FAM76B: variants seen among roughly 807,000 people sequenced by gnomAD.
FAM76B encodes protein FAM76B.
A neutral mutation model predicts 51.8 loss-of-function variants in FAM76B; 16 were observed. The ratio of observed to expected loss-of-function variants is 0.31; its 90% CI spans 0.21 to 0.47. FAM76B has a LOEUF of 0.47. FAM76B is among the 20% of genes least tolerant of loss of function. FAM76B has a pLI of 1.00. For missense variants in FAM76B, 342 were observed against 392.6 expected (o/e 0.87, Z 1.09); for synonymous variants, 166 against 129.5 (o/e 1.28, Z -1.91).
chr11:95,775,265 T>A (rs1158414975), intron 9 of FAM76B, among the ~76,000 whole-genome samples: 1 of 151,488 alleles, frequency 6.6e-6, no homozygotes, highest in Non-Finnish European at 1.5e-5. Context: ...GCATTCTGTA[T>A]CCATGTTGGA....
At chr11:95,772,751 A>G (rs954103988) in intron 9 of FAM76B, among the ~76,000 whole-genome samples, 3 of 150,986 alleles carry the variant, frequency 2.0e-5, no homozygotes, top group Admixed American at 2.0e-4. Flanking sequence ...CCTTCTCTGT[A>G]TGCCATCTTA....
At chr11:95,787,812 C>CA in intron 2 of FAM76B, 134 bp from the exon 3 acceptor site, 1 of 693,406 alleles carries the variant, frequency 1.4e-6, no homozygotes, top group Non-Finnish European at 2.4e-6. Flanking sequence ...TTCAAATATA[C>CA]AAGGATATTT....
chr11:95,786,772 T>TA (rs1386797090), intron 3 of FAM76B: 2 of 152,512 alleles, frequency 1.3e-5, no homozygotes, highest in African/African-American at 2.4e-5. Context: ...ATATTCAACA[T>TA]AAACTATAAA....
intron 8 of FAM76B, 71 bp downstream of exon 8, chr11:95,778,751 A>G: frequency 6.8e-7 from 1 of 1,477,902 alleles, no homozygotes; most frequent in Non-Finnish European, 9.0e-7. Flanking sequence ...AGGAAGTCTA[A>G]TAAAATTTGC....
In FAM76B at chr11:95,789,733, G is replaced by T; in HGVS notation, c.-255C>A. 1 of 475,738 alleles carries T rather than the reference G, an allele frequency of 2.1e-6. No individual in the cohort carries two copies. Among genetic ancestry groups the T allele is most frequent in the Non-Finnish European group, 3.7e-6 (1 of 271,064 alleles). 29.5% of individuals were successfully genotyped at this position (475,738 alleles called of 1,614,324 possible). On this transcript the variant is annotated 5_prime_UTR_variant, in exon 1 of 10. Transcript: ENST00000358780. Reference sequence around the variant, plus strand: ...CGCTTAGGCCCCGATAGCGGCGGAGGGAGACGAAGCGGGTAGGGGGTTGCT... The same window carrying T: ...CGCTTAGGCCCCGATAGCGGCGGAGTGAGACGAAGCGGGTAGGGGGTTGCT...
At chr11:95,772,502 T>C (rs956012409) in intron 9 of FAM76B, among the ~76,000 whole-genome samples, 10 of 151,196 alleles carry the variant, frequency 6.6e-5, no homozygotes, top group Admixed American at 2.6e-4. Flanking sequence ...AGGATCCCTA[T>C]ATATACAAAT....
intron 2 of FAM76B, among the ~76,000 whole-genome samples, 178 bp from the exon 3 acceptor site, chr11:95,787,856 A>C (rs1860686584): frequency 6.6e-6 from 1 of 152,224 alleles, no homozygotes; most frequent in Non-Finnish European, 1.5e-5. Flanking sequence ...ACTTATGACA[A>C]ATGTTTTTAT....
rs912026253 is a variant in FAM76B at position 95,771,379 on chromosome 11, G to A, written c.*182C>T. On this transcript the variant is annotated 3_prime_UTR_variant, in exon 10 of 10. Transcript: ENST00000358780. ...AAAAAGTTACTTCAAACCAGTTGAA[G>A]TTTTATTTGAATGTTTTACAACTTA... 2 of 483,250 alleles carry A rather than the reference G, an allele frequency of 4.1e-6. No homozygotes were observed. Among genetic ancestry groups the A allele is most frequent in the African/African-American group, 2.0e-5 (1 of 50,154 alleles). The allele number at this position is 483,250 out of a possible 1,614,324, so 29.9% of individuals were successfully genotyped here.
In FAM76B at chr11:95,786,261, T is replaced by G; in HGVS notation, c.221A>C (p.Gln74Pro). 1 of 1,613,888 alleles carries G rather than the reference T, an allele frequency of 6.2e-7. No individual in the cohort carries two copies. The highest frequency in any genetic ancestry group is 8.5e-7 in the Non-Finnish European group (1 of 1,179,928). ...AAATGCTGCAATTATGTTACAGTAC[T>G]GACAAGGCTTGGGCTGAAAAACATA... is the stretch of plus-strand genomic sequence containing the variant. ...VKQFGTPKPC[Q>P]YCNIIAAFIG... Residue 74 changes from glutamine (Q) to proline (P), a missense_variant, in exon 4 of 10, where the codon CAG (glutamine) becomes CCG (proline). This residue lies in a region of FAM76B where 96 missense variants were observed against 94.7 expected (regional missense o/e 1.01). Coordinates refer to ENST00000358780, the MANE Select transcript of FAM76B (RefSeq NM_144664.5).
Position 95,783,184 on chromosome 11 carries a change from GCT to G in FAM76B, c.442_443del (p.Ser148ProfsTer15). 6.2e-7 allele frequency: 1 copy of G among 1,613,914 alleles called. No individual in the cohort carries two copies. The highest frequency in any genetic ancestry group is 8.5e-7 in the Non-Finnish European group (1 of 1,179,920). On this transcript the variant is annotated frameshift_variant, in exon 5 of 10. Coordinates refer to ENST00000358780, the MANE Select transcript of FAM76B (RefSeq NM_144664.5). LOFTEE classifies it high-confidence loss of function. ...VLQKTKEQRK[S>X]LGSSHSNSSS... The stretch of plus-strand genomic sequence containing the variant: ...ATGAATTTGAATGTGAAGATCCCAG[GCT>G]CTTCCTTTGTTCTTTCGTCTTCTGT...
At chr11:95,785,041 TAC>T (rs1860486965) in intron 4 of FAM76B, among the ~76,000 whole-genome samples, 3 of 152,220 alleles carry the variant, frequency 2.0e-5, no homozygotes, top group Admixed American at 1.3e-4. Flanking sequence ...CTCCCCTATC[TAC>T]AGTTTTAGTT....
chr11:95,784,574 A>G (rs1860454144), intron 4 of FAM76B, among the ~76,000 whole-genome samples: 1 of 149,006 alleles, frequency 6.7e-6, no homozygotes, highest in Non-Finnish European at 1.5e-5. Context: ...GTATATATAC[A>G]CACACACACA....
At chr11:95,783,362 C>A (rs909942832) in intron 4 of FAM76B, 98 bp from the exon 5 acceptor site, 2 of 972,616 alleles carry the variant, frequency 2.1e-6, no homozygotes, top group Non-Finnish European at 3.1e-6. Flanking sequence ...ATATTCCACA[C>A]GTAACATGCA....
chr11:95,785,715 C>A (rs1860534518), intron 4 of FAM76B, among the ~76,000 whole-genome samples: 1 of 152,122 alleles, frequency 6.6e-6, no homozygotes, highest in South Asian at 2.1e-4. Flanking sequence ...CAAAAACAAA[C>A]AACAGTTTCA....
chr11:95,787,442 G>A (rs1287934487), intron 3 of FAM76B, among the ~76,000 whole-genome samples, 182 bp downstream of exon 3: 3 of 152,026 alleles, frequency 2.0e-5, no homozygotes, highest in Non-Finnish European at 2.9e-5. Flanking sequence ...GGGTTTCACC[G>A]TGTTAGCCAG....
rs185966308 is a variant in FAM76B, at chr11:95,773,624, T to A, written c.931-1974A>T. Among the ~76,000 whole-genome samples the A allele has an allele frequency of 4.6e-4, 69 of 151,404 alleles. 1 individual carries two copies. The highest frequency in any genetic ancestry group is 3.4e-3 in the Middle Eastern group (1 of 292). On this transcript the variant is annotated intron_variant, in intron 9 of 9. Transcript: ENST00000358780. Reference sequence around the variant, plus strand: ...CCAGCTACATAACCTGGAGCATATTTTCTCATTTGTAACACAAACTCCACC... The same window carrying A: ...CCAGCTACATAACCTGGAGCATATTATCTCATTTGTAACACAAACTCCACC...
At position 95,778,908 on chromosome 11, in the gene FAM76B, G is replaced by A. The variant is rs1294482984; in HGVS notation, c.742C>T (p.Leu248Phe). The change falls in exon 8 of 10, where the codon CTT becomes TTT. Residue 248 changes from leucine (L) to phenylalanine (F), a missense_variant. Around this residue, in one of 3 missense-constraint regions of FAM76B, gnomAD observed 230 missense variants for 257.4 expected, o/e 0.89. Transcript: ENST00000358780. The stretch of plus-strand genomic sequence containing the variant: ...ACTTCTTCTTTCAATTGACTTATAA[G>A]GACAAAATTGTCTGTTCCCCCACTA... Reference protein sequence around the residue: ...ADSGGTDNFVLISQLKEEVMS... With the variant: ...ADSGGTDNFVFISQLKEEVMS... 1 of 1,610,734 alleles carries A rather than the reference G, an allele frequency of 6.2e-7. No individual in the cohort carries two copies. The highest frequency in any genetic ancestry group is 1.1e-5 in the South Asian group (1 of 90,942).
intron 4 of FAM76B, 97 bp from the exon 5 acceptor site, chr11:95,783,361 A>T: frequency 1.0e-6 from 1 of 997,528 alleles, no homozygotes. Flanking sequence ...TATATTCCAC[A>T]CGTAACATGC....
chr11:95,773,097 A>G (rs1489163732), intron 9 of FAM76B, among the ~76,000 whole-genome samples: 1 of 149,036 alleles, frequency 6.7e-6, no homozygotes, highest in East Asian at 2.0e-4. Context: ...CTGATACAAA[A>G]TAGTTAAAAT....
Sources: gnomAD v4.1 joint callset for allele counts (sites outside exome capture counted in the v4.1 genomes callset) on GRCh38, gnomAD v4.1.1 for gene constraint, gnomAD v4.1.1 regional missense constraint, MANE v1.5 for transcripts, NCBI Gene and HGNC (gene_info 2026-07-23, HGNC 2026-07-21) for gene names.